Variants in MDGA2 observed in about 807,000 individuals in gnomAD.
MDGA2 encodes MAM domain containing glycosylphosphatidylinositol anchor 2.
In MDGA2, 40 loss-of-function variants were observed where a neutral mutation model predicts 117.8. The ratio of observed to expected loss-of-function variants is 0.34; its 90% CI spans 0.26 to 0.44. The LOEUF is 0.44. MDGA2 is among the 20% of genes least tolerant of loss of function. The pLI, the probability that MDGA2 is intolerant of heterozygous loss-of-function variation, is 1.00. For missense variants in MDGA2, 1,123 were observed against 1,250.6 expected, an observed-to-expected ratio of 0.90 and a Z score of 1.54; for synonymous variants, 452 against 439.0, an observed-to-expected ratio of 1.03 and a Z score of -0.37.
intron 8 of MDGA2, among the ~76,000 whole-genome samples, chr14:46,993,457 T>TG (rs1887169906): frequency 1.5e-5 from 2 of 131,182 alleles, no homozygotes; most frequent in Non-Finnish European, 3.6e-5. Flanking sequence ...TTCTATTTTT[T>TG]TGGGGGGGAC....
At chr14:47,208,974 C>T (rs534927230) in intron 3 of MDGA2, among the ~76,000 whole-genome samples, 4 of 149,114 alleles carry the variant, frequency 2.7e-5, no homozygotes, top group South Asian at 2.1e-4. Flanking sequence ...CCTGAGAATA[C>T]GTTTGCTCGG....
intron 1 of MDGA2, among the ~76,000 whole-genome samples, chr14:47,479,220 A>T (rs1216712174): frequency 6.6e-6 from 1 of 152,140 alleles, no homozygotes; most frequent in Non-Finnish European, 1.5e-5. Context: ...ATAACTGCTT[A>T]ATTTTTGAAT....
intron 1 of MDGA2, among the ~76,000 whole-genome samples, chr14:47,578,555 G>A (rs1040075331): frequency 2.6e-5 from 4 of 152,036 alleles, no homozygotes; most frequent in East Asian, 1.9e-4. Flanking sequence ...AAGCAATGAC[G>A]ATAGTGAGAC....
chr14:47,131,665 A>T (rs780173832), intron 5 of MDGA2, 49 bp downstream of exon 5: 2 of 1,397,680 alleles, frequency 1.4e-6, no homozygotes, highest in South Asian at 1.7e-5. Flanking sequence ...GAGTTTTTAA[A>T]CATTAGTTGT....
At position 47,170,126 on chromosome 14, in the gene MDGA2, G is replaced by A. The variant is rs547448978; in HGVS notation, c.596-25852C>T. On this transcript the variant is annotated intron_variant, in intron 3 of 16. Transcript: ENST00000399232. ...GAGCTCTTCTGACTAGACAAAATAA[G>A]TTCATGCCCTTTAATCCCAGGGGTT... Among the ~76,000 whole-genome samples the A allele has an allele frequency of 3.8e-4, 58 of 152,240 alleles. No homozygotes were observed. In the South Asian group the frequency reaches 0.012, roughly 31 times the overall value.
intron 8 of MDGA2, among the ~76,000 whole-genome samples, chr14:46,995,147 C>A (rs1308065785): frequency 2.0e-5 from 3 of 152,068 alleles, no homozygotes; most frequent in African/African-American, 7.2e-5. Context: ...CATCAAAAAA[C>A]AATTTAAGTA....
At chr14:47,426,943 CAT>C (rs1345782083) in intron 1 of MDGA2, among the ~76,000 whole-genome samples, 1 of 151,774 alleles carries the variant, frequency 6.6e-6, no homozygotes, top group African/African-American at 2.4e-5. Context: ...TTTCTTAAAT[CAT>C]AGGAAAAATG....
At chr14:47,473,672 C>G (rs1292351414) in intron 1 of MDGA2, among the ~76,000 whole-genome samples, 4 of 151,498 alleles carry the variant, frequency 2.6e-5, no homozygotes, top group African/African-American at 9.7e-5. Context: ...ATGAATACTC[C>G]AATAAAAAAA....
chr14:47,090,873 A>C (rs181073688), intron 6 of MDGA2, among the ~76,000 whole-genome samples: 56 of 152,304 alleles, frequency 3.7e-4, no homozygotes, highest in African/African-American at 1.2e-3. Context: ...TTCTTAGTCC[A>C]GGCACTAGTT....
At chr14:47,464,874 C>CAAAAT (rs1183250864) in intron 1 of MDGA2, among the ~76,000 whole-genome samples, 2 of 151,548 alleles carry the variant, frequency 1.3e-5, no homozygotes, top group Non-Finnish European at 2.9e-5. Flanking sequence ...CCTAAGCAAA[C>CAAAAT]AAAACAAAAC....
intron 1 of MDGA2, among the ~76,000 whole-genome samples, chr14:47,527,003 T>C (rs1013315210): frequency 6.6e-6 from 1 of 152,122 alleles, no homozygotes; most frequent in Non-Finnish European, 1.5e-5. Flanking sequence ...AGTGAGCTTA[T>C]CACAGTATCA....
At chr14:47,568,911 T>C (rs1257301995) in intron 1 of MDGA2, among the ~76,000 whole-genome samples, 2 of 152,034 alleles carry the variant, frequency 1.3e-5, no homozygotes, top group Non-Finnish European at 2.9e-5. Context: ...TTTGGTAGGG[T>C]AATTTCTTCC....
chr14:47,063,364 T>G (rs1050739127), intron 6 of MDGA2, among the ~76,000 whole-genome samples: 13 of 152,032 alleles, frequency 8.6e-5, no homozygotes, highest in African/African-American at 3.1e-4. Flanking sequence ...TAAGTTACTC[T>G]AGGGTGAAAT....
chr14:47,115,734 A>G (rs1881292936), intron 5 of MDGA2, among the ~76,000 whole-genome samples: 2 of 152,022 alleles, frequency 1.3e-5, no homozygotes, highest in Admixed American at 1.3e-4. Flanking sequence ...ACAATTCAGC[A>G]CCCTTTCATG....
intron 10 of MDGA2, among the ~76,000 whole-genome samples, chr14:46,888,667 A>G: frequency 6.6e-6 from 1 of 151,832 alleles, no homozygotes; most frequent in East Asian, 1.9e-4. Flanking sequence ...GAAGGCTGCA[A>G]CAGATTCTGA....
chr14:47,005,249 T>C (rs1008017334), intron 8 of MDGA2, among the ~76,000 whole-genome samples: 6 of 151,678 alleles, frequency 4.0e-5, no homozygotes, highest in Non-Finnish European at 5.9e-5. Context: ...TTTAGTTTTA[T>C]CAGGCTTAGC....
At chr14:46,957,689 T>G in intron 8 of MDGA2, 46 bp from the exon 9 acceptor site, 1 of 1,604,820 alleles carries the variant, frequency 6.2e-7, no homozygotes, top group Non-Finnish European at 8.5e-7. Flanking sequence ...TGACTTGCAA[T>G]AAGCCAAAAG....
rs146018324 is a variant in MDGA2 at position 47,064,059 on chromosome 14, T to C, written c.1196-2481A>G. Among the ~76,000 whole-genome samples, 194 of 152,096 alleles carry C rather than the reference T, an allele frequency of 1.3e-3. 2 individuals carry two copies. The highest frequency in any genetic ancestry group is 4.4e-3 in the African/African-American group (182 of 41,536). On this transcript the variant is annotated intron_variant, in intron 6 of 16. Coordinates refer to ENST00000399232, the MANE Select transcript of MDGA2 (RefSeq NM_001113498.3). ...TCTGTATTATGTTATAGAATATTTA[T>C]TCATAAAAACAACTTTAAAACCCAA... is the stretch of plus-strand genomic sequence containing the variant.
chr14:46,946,045 C>T (rs114653882), intron 9 of MDGA2, among the ~76,000 whole-genome samples: 139 of 152,008 alleles, frequency 9.1e-4, no homozygotes, highest in African/African-American at 3.3e-3. Flanking sequence ...AAGAAAAAAA[C>T]AAATAATATG....
Sources: allele counts gnomAD v4.1 joint callset (sites outside exome capture counted in the v4.1 genomes callset), GRCh38; gene constraint gnomAD v4.1.1; transcripts MANE v1.5; gene names NCBI Gene and HGNC (gene_info 2026-07-23, HGNC 2026-07-21).